The following PADI2 variants were observed in gnomAD, a reference collection of about 807,000 sequenced individuals.
PADI2 encodes the protein protein-arginine deiminase type-2.
In PADI2, 70 loss-of-function variants were observed where a neutral mutation model predicts 81.1. The ratio of observed to expected loss-of-function variants is 0.86; its 90% CI spans 0.71 to 1.05. PADI2 has a LOEUF of 1.05. Among genes scored for constraint, PADI2 ranks in the 50% least tolerant of loss-of-function variants. PADI2 has a pLI of 0.00. For missense variants in PADI2, 853 were observed against 889.9 expected, an observed-to-expected ratio of 0.96 and a Z score of 0.53; for synonymous variants, 338 against 358.0, an observed-to-expected ratio of 0.94 and a Z score of 0.63.
Position 17,079,320 on chromosome 1 carries a change from G to A in PADI2, c.1254C>T (p.Thr418=), listed in dbSNP as rs750583288. ...FGNLEVSPPV[T]VNGKTYPLGR... Reference sequence around the variant, plus strand: ...CAAGCGGGTATGTCTTGCCGTTCACGGTCACTGGGGGACTGACCTCCAGGT... The same window carrying A: ...CAAGCGGGTATGTCTTGCCGTTCACAGTCACTGGGGGACTGACCTCCAGGT... The change falls in exon 11 of 16, where the codon ACC becomes ACT. Residue 418 remains threonine (T), a synonymous_variant. Transcript: ENST00000375486. The A allele has an allele frequency of 3.1e-6, 5 of 1,613,884 alleles. No individual in the cohort carries two copies. Among genetic ancestry groups the A allele is most frequent in the Non-Finnish European group, 4.2e-6 (5 of 1,179,940 alleles).
intron 1 of PADI2, among the ~76,000 whole-genome samples, chr1:17,112,448 G>A (rs959589245): frequency 6.6e-6 from 1 of 152,092 alleles, no homozygotes; most frequent in Non-Finnish European, 1.5e-5. Flanking sequence ...ACACCAGCTG[G>A]GGCTCATCCC....
chr1:17,086,516 C>T lies in PADI2; in HGVS notation c.834+5G>A, dbSNP rs1930434455. On this transcript the variant is annotated splice_donor_5th_base_variant and intron_variant, in intron 7 of 15. Transcript: ENST00000375486. ...CCCCCTGTGGTGGAGGCCTGGAGCC[C>T]TCACCTGGGCCATGTACTCCAGCAG... 1.2e-6 allele frequency: 2 copies of T among 1,610,786 alleles called. No homozygotes were observed. The highest frequency in any genetic ancestry group is 1.7e-6 in the Non-Finnish European group (2 of 1,178,488).
chr1:17,068,793 T>G lies in PADI2; in HGVS notation c.*251A>C. On this transcript the variant is annotated 3_prime_UTR_variant, in exon 16 of 16. Coordinates refer to ENST00000375486, the MANE Select transcript of PADI2 (RefSeq NM_007365.3). Reference sequence around the variant, plus strand: ...CTGTGTTTTGTTGTGTTCTGTTCCTTATGTCAGGGCTACAGAGACACTGGC... The same window carrying G: ...CTGTGTTTTGTTGTGTTCTGTTCCTGATGTCAGGGCTACAGAGACACTGGC... 1 of 547,536 alleles carries G rather than the reference T, an allele frequency of 1.8e-6. No homozygotes were observed. Among genetic ancestry groups the G allele is most frequent in the Non-Finnish European group, 3.3e-6 (1 of 304,928 alleles). The allele number at this position is 547,536 out of a possible 1,614,324, so 33.9% of individuals were successfully genotyped here. A position where few individuals can be genotyped will look rare whatever the true frequency, so the allele number is the denominator to read the frequency against.
rs1931718645 is a variant in PADI2 at position 17,115,360 on chromosome 1, T to C, written c.92+3920A>G. ...AGGGACAATGTTAAGATCATTCCAG[T>C]GTCCTGAAGCTCCTGCAGACCTCAG... On this transcript the variant is annotated intron_variant, in intron 1 of 15. Transcript: ENST00000375486. This position sits in a 1 kb window ranked among gnomAD's most constrained non-coding sequence, Gnocchi z 4.1. Among the ~76,000 whole-genome samples, 1 of 152,222 alleles carries C rather than the reference T, an allele frequency of 6.6e-6. No individual in the cohort carries two copies. Among genetic ancestry groups the C allele is most frequent in the East Asian group, 1.9e-4 (1 of 5,196 alleles).
rs1413544423 is a variant in PADI2 at position 17,079,140 on chromosome 1, A to G, written c.1310+124T>C. The G allele has an allele frequency of 2.9e-5, 21 of 733,804 alleles. No homozygotes were observed. In the Admixed American group the frequency reaches 5.6e-4, roughly 20 times the overall value. 45.5% of individuals were successfully genotyped at this position (733,804 alleles called of 1,614,324 possible). A position where few individuals can be genotyped will look rare whatever the true frequency, so the allele number is the denominator to read the frequency against. ...CAAGAGTGTCGGCCTCTTAACAGGA[A>G]GTCGTGGGAGGGAATAATTCCCCCA... On this transcript the variant is annotated intron_variant, in intron 11 of 15. Transcript: ENST00000375486.
Position 17,079,435 on chromosome 1 carries a change from C to A in PADI2, c.1159-20G>T, listed in dbSNP as rs574352862. 3.7e-6 allele frequency: 6 copies of A among 1,602,266 alleles called. No individual in the cohort carries two copies. The Admixed American group carries it at 1.0e-4, about 27-fold the overall frequency. On this transcript the variant is annotated intron_variant, in intron 10 of 15. Transcript: ENST00000375486. ...TGGGCCCTAGGCAGAGGGCACACAC[C>A]TGCGTTAGTCTTCTGCAGCCAGGGT...
At chr1:17,117,285 TTAA>T (rs1931791866) in intron 1 of PADI2, among the ~76,000 whole-genome samples, 1 of 152,228 alleles carries the variant, frequency 6.6e-6, no homozygotes, top group Non-Finnish European at 1.5e-5. Flanking sequence ...AACCATTTCC[TTAA>T]TAATTTTTAT....
chr1:17,117,880 C>G (rs1425992989), intron 1 of PADI2, among the ~76,000 whole-genome samples: 2 of 152,188 alleles, frequency 1.3e-5, no homozygotes, highest in South Asian at 4.1e-4. Context: ...CTCTTGCACC[C>G]CACCAGAGCC....
At chr1:17,108,485 G>T (rs960694706) in intron 1 of PADI2, among the ~76,000 whole-genome samples, 1 of 151,808 alleles carries the variant, frequency 6.6e-6, no homozygotes, top group African/African-American at 2.4e-5. Context: ...GTTGCCACGT[G>T]GTACCTGCCC....
chr1:17,087,849 A>G (rs1272519841), intron 6 of PADI2, among the ~76,000 whole-genome samples: 1 of 152,202 alleles, frequency 6.6e-6, no homozygotes, highest in Non-Finnish European at 1.5e-5. Flanking sequence ...GCGAGGGTAG[A>G]GACAGGCCCA....
Position 17,115,849 on chromosome 1 carries a change from A to C in PADI2, c.92+3431T>G, listed in dbSNP as rs1001922061. Among the ~76,000 whole-genome samples, 4 of 152,234 alleles carry C rather than the reference A, an allele frequency of 2.6e-5. No individual in the cohort carries two copies. Among genetic ancestry groups the C allele is most frequent in the Admixed American group, 6.5e-5 (1 of 15,282 alleles). ...TCTTTAACAACAATCACAAAGTACA[A>C]TTTCTAACAAACACCCTACTTCCTT... On this transcript the variant is annotated intron_variant, in intron 1 of 15. Transcript: ENST00000375486. This position sits in a 1 kb window ranked among gnomAD's most constrained non-coding sequence, Gnocchi z 4.1.
At chr1:17,095,863 C>G in intron 4 of PADI2, 46 bp downstream of exon 4, 1 of 1,512,480 alleles carries the variant, frequency 6.6e-7, no homozygotes, top group Non-Finnish European at 9.1e-7. Context: ...GCTGTGCCCT[C>G]GGAAGCCCTG....
At chr1:17,069,982 A>T in intron 15 of PADI2, 106 bp downstream of exon 15, 1 of 1,315,338 alleles carries the variant, frequency 7.6e-7, no homozygotes, top group Non-Finnish European at 1.0e-6. Context: ...CTCAGCCAGG[A>T]TTGGGACCTG....
chr1:17,074,134 G>A (rs1442519154), intron 13 of PADI2, among the ~76,000 whole-genome samples: 2 of 152,146 alleles, frequency 1.3e-5, no homozygotes, highest in Non-Finnish European at 2.9e-5. Context: ...GCTCATGCCT[G>A]TAATCCCAGC....
intron 15 of PADI2, 21 bp from the exon 16 acceptor site, chr1:17,069,298 G>A (rs2078248458): frequency 2.5e-6 from 4 of 1,587,188 alleles, no homozygotes; most frequent in Non-Finnish European, 2.6e-6. Flanking sequence ...GGATTGCGAT[G>A]GCAACAGCTT....
chr1:17,110,138 C>T (rs1931525517), intron 1 of PADI2, among the ~76,000 whole-genome samples: 1 of 152,190 alleles, frequency 6.6e-6, no homozygotes, highest in East Asian at 1.9e-4. Context: ...TGCCTTCCTC[C>T]TCAGGAAGAA....
At chr1:17,073,781 A>G (rs2078281588) in intron 13 of PADI2, among the ~76,000 whole-genome samples, 1 of 152,190 alleles carries the variant, frequency 6.6e-6, no homozygotes, top group Admixed American at 6.6e-5. Context: ...AAAAAAAAGA[A>G]GTATGAGGAA....
intron 6 of PADI2, among the ~76,000 whole-genome samples, chr1:17,088,289 G>A (rs955405223): frequency 6.6e-6 from 1 of 152,158 alleles, no homozygotes; most frequent in African/African-American, 2.4e-5. Context: ...AGTTCCAGAA[G>A]GAATTTCTTT....
At chr1:17,087,914 C>T (rs539789965) in intron 6 of PADI2, among the ~76,000 whole-genome samples, 19 of 152,340 alleles carry the variant, frequency 1.2e-4, no homozygotes, top group South Asian at 1.0e-3. Context: ...GTCTACTGAA[C>T]GAACCAATGA....
Sources: gnomAD v4.1 joint callset for allele counts (sites outside exome capture counted in the v4.1 genomes callset) on GRCh38, gnomAD v4.1.1 for gene constraint, Gnocchi (gnomAD v3.1) non-coding constraint, MANE v1.5 for transcripts, NCBI Gene and HGNC (gene_info 2026-07-23, HGNC 2026-07-21) for gene names.